The following ZSCAN31 variants were observed in gnomAD, a reference collection of about 807,000 sequenced individuals.
The protein encoded by ZSCAN31 is zinc finger and SCAN domain-containing protein 31.
Under a neutral mutation model 22.5 loss-of-function variants are expected in ZSCAN31, and 14 were observed. That is an observed-to-expected ratio of 0.62 (90% CI 0.41 to 0.97). ZSCAN31 has a LOEUF of 0.97. Ranked by LOEUF, ZSCAN31 falls within the 50% of genes least tolerant of loss-of-function variation. The pLI is 0.00. For missense variants in ZSCAN31, 424 were observed against 483.4 expected (o/e 0.88, Z 1.15); for synonymous variants, 168 against 169.8 (o/e 0.99, Z 0.08).
chr6:28,353,427 C>A (rs1765192571), intron 2 of ZSCAN31: 1 of 160,204 alleles, frequency 6.2e-6, no homozygotes, highest in Non-Finnish European at 1.4e-5. Flanking sequence ...TAGATCAGGC[C>A]CAGGTCTCAT....
At chr6:28,337,557 C>T (rs1356063220), upstream of ZSCAN31, among the ~76,000 whole-genome samples, 1 of 152,150 alleles carries the variant, frequency 6.6e-6, no homozygotes, top group Non-Finnish European at 1.5e-5. Flanking sequence ...TTTTACAACT[C>T]ATTCATTAAT....
At chr6:28,342,810 C>T (rs1764467061) in intron 2 of ZSCAN31, among the ~76,000 whole-genome samples, 2 of 152,332 alleles carry the variant, frequency 1.3e-5, no homozygotes, top group African/African-American at 4.8e-5. Flanking sequence ...AGTTTTTGGA[C>T]TACAGCTAGT....
intron 1 of ZSCAN31, chr6:28,354,037 G>A (rs1252868945): frequency 1.6e-5 from 7 of 438,356 alleles, no homozygotes; most frequent in South Asian, 3.3e-5. Context: ...TGCCTCCTCC[G>A]ACCGCAGCCC....
rs1763595983 is a variant in ZSCAN31, at chr6:28,329,666, T to G, written c.18A>C (p.Glu6Asp). The change falls in exon 2 of 4, where the codon GAA becomes GAC. Residue 6 changes from glutamate to aspartate, a missense_variant. By Grantham distance (45) the Glu-to-Asp change is conservative (BLOSUM62 2). Coordinates refer to ENST00000344279, the MANE Select transcript of ZSCAN31 (RefSeq NM_030899.5). MASTEEQYDLKIVKVE... is the reference protein window; with the variant it reads MASTEDQYDLKIVKVE... ...CTTTCACAATCTTAAGATCGTACTG[T>G]TCCTCTGTTGAAGCCATTCCTGGGG... 6 of 1,612,872 alleles carry G rather than the reference T, an allele frequency of 3.7e-6. No homozygotes were observed. In the East Asian group the frequency reaches 1.3e-4, roughly 36 times the overall value.
Position 28,326,413 on chromosome 6 carries a change from C to T in ZSCAN31, c.974G>A (p.Cys325Tyr). ...GAGGAAAGCCTTCCCACACACTTTG[C>T]ATTCATATGGTTTTTCCCCTGTGTG... ...RIHTGEKPYE[C>Y]KVCGKAFLLS... Residue 325 changes from cysteine to tyrosine, a missense_variant, in exon 4 of 4, where the codon TGC becomes TAC. Cys to Tyr is a radical substitution (Grantham distance 194). Coordinates refer to ENST00000344279, the MANE Select transcript of ZSCAN31 (RefSeq NM_030899.5). The T allele has an allele frequency of 6.2e-7, 1 of 1,614,194 alleles. No individual in the cohort carries two copies. The highest frequency in any genetic ancestry group is 8.5e-7 in the Non-Finnish European group (1 of 1,180,004).
intron 1 of ZSCAN31, among the ~76,000 whole-genome samples, chr6:28,330,568 G>C (rs1763664443): frequency 6.6e-6 from 1 of 152,072 alleles, no homozygotes; most frequent in Non-Finnish European, 1.5e-5. Context: ...TTCAGATTAG[G>C]GATGTTCAAC....
upstream of ZSCAN31, among the ~76,000 whole-genome samples, chr6:28,338,249 A>G (rs1764278612): frequency 6.6e-6 from 1 of 152,008 alleles, no homozygotes. Flanking sequence ...AAATACAAAA[A>G]TTAGCCAGGC....
At chr6:28,350,640 T>C (rs1764938178) in intron 2 of ZSCAN31, among the ~76,000 whole-genome samples, 2 of 152,224 alleles carry the variant, frequency 1.3e-5, no homozygotes, top group Non-Finnish European at 2.9e-5. Context: ...TTTAAAGATT[T>C]GCTTTTATTA....
Position 28,326,203 on chromosome 6 carries a change from T to G in ZSCAN31, c.1184A>C (p.Lys395Thr). Residue 395 changes from lysine (K) to threonine (T), a missense_variant, in exon 4 of 4, where the codon AAG becomes ACG. Transcript: ENST00000344279. ...TCCAGTGTGGATTTTCTGATGTTTC[T>G]TAAGAAGTGTCCGCTTACTAAAGAG... ...SKLFSKRTLL[K>T]KHQKIHTGER... 6.2e-7 allele frequency: 1 copy of G among 1,613,030 alleles called. No homozygotes were observed. Among genetic ancestry groups the G allele is most frequent in the Non-Finnish European group, 8.5e-7 (1 of 1,179,212 alleles).
At chr6:28,341,561 T>C (rs2113851272) in intron 3 of ZSCAN31, among the ~76,000 whole-genome samples, 1 of 152,304 alleles carries the variant, frequency 6.6e-6, no homozygotes, top group Non-Finnish European at 1.5e-5. Context: ...CATAAGAATT[T>C]TGGGGGAACA....
chr6:28,340,826 T>C (rs986850426), upstream of ZSCAN31, among the ~76,000 whole-genome samples: 2 of 152,242 alleles, frequency 1.3e-5, no homozygotes, highest in African/African-American at 4.8e-5. Flanking sequence ...TGCTCTTAAT[T>C]CCTTCTTGTA....
Position 28,353,577 on chromosome 6 carries a change from A to G in ZSCAN31, c.-371+285T>C, listed in dbSNP as rs878889298. On this transcript the variant is annotated intron_variant, in intron 2 of 7. Transcript: ENST00000396838. ...CTAGATAATACCATACTGAGGAAGG[A>G]GTAGATTAGGAAGCAAGAAAATCAC... The G allele has an allele frequency of 4.5e-5, 12 of 265,370 alleles. No individual in the cohort carries two copies. In the East Asian group the frequency reaches 8.7e-4, roughly 19 times the overall value. The allele number at this position is 265,370 out of a possible 1,614,324, so 16.4% of individuals were successfully genotyped here. A position where few individuals can be genotyped will look rare whatever the true frequency, so the allele number is the denominator to read the frequency against.
intron 2 of ZSCAN31, among the ~76,000 whole-genome samples, chr6:28,352,966 T>TTTTC (rs1439268335): frequency 1.9e-5 from 1 of 51,842 alleles, no homozygotes; most frequent in African/African-American, 2.3e-4. Flanking sequence ...TTCTTTTTCT[T>TTTTC]TTTTTTTTTT....
chr6:28,337,259 T>G (rs980031196), upstream of ZSCAN31, among the ~76,000 whole-genome samples: 6 of 152,192 alleles, frequency 3.9e-5, no homozygotes, highest in African/African-American at 1.4e-4. Flanking sequence ...TCCAAAGAAC[T>G]GGGCTGATCA....
intron 2 of ZSCAN31, among the ~76,000 whole-genome samples, chr6:28,328,468 C>G (rs537834199): frequency 6.6e-6 from 1 of 152,206 alleles, no homozygotes; most frequent in African/African-American, 2.4e-5. Context: ...CTCCTATTTG[C>G]TTTTGAAAGA....
At position 28,329,377 on chromosome 6, in the gene ZSCAN31, G is replaced by GA. The variant is rs1229650662; in HGVS notation, c.306_307insT (p.His103SerfsTer13). ...ACAGCCTCCTCCCCACTCTCCGGAT[G>GA]GTGCTCCCGCACCCAGGCCTGGAGC... On this transcript the variant is annotated frameshift_variant, in exon 2 of 4. Transcript: ENST00000344279. LOFTEE classifies it high-confidence loss of function. The GA allele has an allele frequency of 2.5e-6, 4 of 1,613,924 alleles. No individual in the cohort carries two copies. The highest frequency in any genetic ancestry group is 3.4e-6 in the Non-Finnish European group (4 of 1,179,906).
Position 28,333,417 on chromosome 6 carries a change from A to G in ZSCAN31, c.-96+2665T>C, listed in dbSNP as rs936848132. Among the ~76,000 whole-genome samples the G allele has an allele frequency of 3.3e-5, 5 of 152,234 alleles. No individual in the cohort carries two copies. Among genetic ancestry groups the G allele is most frequent in the African/African-American group, 1.2e-4 (5 of 41,454 alleles). ...GGACCAGGCCCTGTTTTGCTGGAGCAAACATTTTAACGGGGAAGACAAACC... is the reference window on the plus strand; with the variant it reads ...GGACCAGGCCCTGTTTTGCTGGAGCGAACATTTTAACGGGGAAGACAAACC... On this transcript the variant is annotated intron_variant, in intron 1 of 3. Coordinates refer to ENST00000344279, the MANE Select transcript of ZSCAN31 (RefSeq NM_030899.5). This position sits in a 1 kb window ranked among gnomAD's most constrained non-coding sequence, Gnocchi z 4.1.
At chr6:28,348,216 AT>A in intron 2 of ZSCAN31, among the ~76,000 whole-genome samples, 1 of 152,194 alleles carries the variant, frequency 6.6e-6, no homozygotes, top group South Asian at 2.1e-4. Flanking sequence ...TATAGTTTTA[AT>A]TTTTAATGAG....
At chr6:28,353,372 C>G (rs1397700262) in intron 2 of ZSCAN31, 1 of 154,842 alleles carries the variant, frequency 6.5e-6, no homozygotes, top group Non-Finnish European at 1.4e-5. Flanking sequence ...AGTTTAAAAT[C>G]TAGTCCCAGC....
Sources: gnomAD v4.1 joint callset for allele counts (sites outside exome capture counted in the v4.1 genomes callset) on GRCh38, gnomAD v4.1.1 for gene constraint, Gnocchi (gnomAD v3.1) non-coding constraint, MANE v1.5 for transcripts, NCBI Gene and HGNC (gene_info 2026-07-23, HGNC 2026-07-21) for gene names.